The following ADCY5 variants were observed in gnomAD, a reference collection of about 807,000 sequenced individuals.
The protein encoded by ADCY5 is adenylate cyclase type 5.
Under a neutral mutation model 119.7 loss-of-function variants are expected in ADCY5, and 30 were observed. The ratio of observed to expected loss-of-function variants is 0.25; its 90% CI spans 0.19 to 0.34. ADCY5 has a LOEUF of 0.34. ADCY5 is among the 10% of genes least tolerant of loss of function. The probability of loss-of-function intolerance (pLI) is 1.00; values close to 1 mark genes in which losing one functional copy is unlikely to be tolerated. For synonymous variants in ADCY5, 753 were observed against 762.2 expected (o/e 0.99, Z 0.20); for missense variants, 1,324 against 1,775.2 (o/e 0.75, Z 4.57).
At chr3:123,396,775 A>AAGGC (rs1944593892) in intron 1 of ADCY5, among the ~76,000 whole-genome samples, 1 of 70,976 alleles carries the variant, frequency 1.4e-5, no homozygotes, top group African/African-American at 5.4e-5. Flanking sequence ...GGAAGGAAGG[A>AAGGC]AGGAAGGCAG....
At chr3:123,383,772 T>G (rs2107564925) in intron 1 of ADCY5, among the ~76,000 whole-genome samples, 1 of 152,010 alleles carries the variant, frequency 6.6e-6, no homozygotes, top group East Asian at 1.9e-4. Flanking sequence ...CATCCACACA[T>G]GCAGGCAGGC....
At chr3:123,445,568 G>A (rs746533557) in intron 1 of ADCY5, among the ~76,000 whole-genome samples, 4 of 152,190 alleles carry the variant, frequency 2.6e-5, no homozygotes, top group African/African-American at 4.8e-5. Context: ...CTGAAAGCAC[G>A]AGTCCTCGGG....
At chr3:123,408,221 A>G (rs1327495339) in intron 1 of ADCY5, among the ~76,000 whole-genome samples, 1 of 152,144 alleles carries the variant, frequency 6.6e-6, no homozygotes, top group Non-Finnish European at 1.5e-5. Context: ...CCGCATGAAC[A>G]TGGTCGTAAC....
chr3:123,391,311 C>A (rs1401787286), intron 1 of ADCY5, among the ~76,000 whole-genome samples: 1 of 152,212 alleles, frequency 6.6e-6, no homozygotes, highest in Admixed American at 6.5e-5. Context: ...CCAAACCCCC[C>A]CTTTCCAGCC....
At chr3:123,299,991 A>G (rs1939747027) in intron 15 of ADCY5, 129 bp downstream of exon 15, 3 of 1,030,304 alleles carry the variant, frequency 2.9e-6, no homozygotes, top group Non-Finnish European at 4.2e-6. Flanking sequence ...TCCAGATGTC[A>G]GGGCTGGGGA....
chr3:123,369,555 G>A (rs1943562877), intron 1 of ADCY5, among the ~76,000 whole-genome samples: 1 of 152,228 alleles, frequency 6.6e-6, no homozygotes, highest in Non-Finnish European at 1.5e-5. Context: ...CTGGCCTGAA[G>A]TATTGGAGAG....
At chr3:123,367,938 G>A in intron 1 of ADCY5, 4 of 1,535,876 alleles carry the variant, frequency 2.6e-6, no homozygotes, top group Non-Finnish European at 3.5e-6. Context: ...ATGGGGCCAT[G>A]TCTTCCGTGG....
rs1177526688 is a variant in ADCY5 at position 123,303,161 on chromosome 3, G to A, written c.2618C>T (p.Ala873Val). The change falls in exon 14 of 21, where the codon GCG (alanine) becomes GTG (valine). Residue 873 changes from alanine to valine, a missense_variant. Physicochemically the swap from Ala to Val is moderately conservative, Grantham distance 64 (BLOSUM62 0). Transcript: ENST00000462833. ...GCLAQEHNIS[A>V]SQVNACHVAE... ...CACGTGACACGCGTTGACCTGGCTC[G>A]CGCTGATGTTGTGCTCCTGTGCCAA... 1.2e-5 allele frequency: 19 copies of A among 1,613,756 alleles called. No individual in the cohort carries two copies. The highest frequency in any genetic ancestry group is 4.0e-5 in the African/African-American group (3 of 74,924).
chr3:123,389,966 C>T (rs1233475541), intron 1 of ADCY5, among the ~76,000 whole-genome samples: 1 of 152,102 alleles, frequency 6.6e-6, no homozygotes, highest in African/African-American at 2.4e-5. Flanking sequence ...AGGAGAGGTA[C>T]AATGAGGGCA....
In ADCY5 at chr3:123,447,438, C is replaced by T. The variant is rs745702684; in HGVS notation, c.1108G>A (p.Ala370Thr). The T allele has an allele frequency of 6.3e-7, 1 of 1,597,918 alleles. No homozygotes were observed. Among genetic ancestry groups the T allele is most frequent in the Non-Finnish European group, 8.5e-7 (1 of 1,170,720 alleles). The part of the protein sequence containing the change: ...LHLAIALRTN[A>T]QDQFLLKQLV... ...TGCTTCAGCAGGAACTGGTCCTGGG[C>T]GTTGGTGCGCAGGGCGATGGCCAGG... is the stretch of plus-strand genomic sequence containing the variant. The change falls in exon 1 of 21, where the codon GCC becomes ACC. Residue 370 changes from alanine to threonine, a missense_variant. Physicochemically the swap from Ala to Thr is moderately conservative, Grantham distance 58 (BLOSUM62 0). Transcript: ENST00000462833.
At chr3:123,343,242 C>T (rs552641045) in intron 3 of ADCY5, among the ~76,000 whole-genome samples, 1 of 152,274 alleles carries the variant, frequency 6.6e-6, no homozygotes, top group Non-Finnish European at 1.5e-5. Context: ...GTACTTTAAT[C>T]CATGTCACAC....
intron 1 of ADCY5, among the ~76,000 whole-genome samples, chr3:123,393,329 A>T (rs1188992096): frequency 6.7e-6 from 1 of 149,726 alleles, no homozygotes; most frequent in African/African-American, 2.5e-5. Context: ...AAGTGGGAGG[A>T]TTACACAAGG....
chr3:123,432,894 T>TGCCA (rs1945548295), intron 1 of ADCY5, among the ~76,000 whole-genome samples: 1 of 152,060 alleles, frequency 6.6e-6, no homozygotes, highest in African/African-American at 2.4e-5. Flanking sequence ...GTAGAGGAGA[T>TGCCA]GCCAGCCCAG....
chr3:123,409,092 G>T (rs1944981145), intron 1 of ADCY5, among the ~76,000 whole-genome samples: 1 of 152,218 alleles, frequency 6.6e-6, no homozygotes, highest in African/African-American at 2.4e-5. Context: ...TTAAGCTTAT[G>T]AAATATTTTC....
At chr3:123,284,838 CT>C (rs1938625945) in intron 20 of ADCY5, 102 bp from the exon 21 acceptor site, 2 of 1,504,362 alleles carry the variant, frequency 1.3e-6, no homozygotes, top group East Asian at 4.6e-5. Flanking sequence ...GTTGCCGCCC[CT>C]GACACAGAAG....
chr3:123,334,767 A>T (rs920850728), intron 3 of ADCY5, among the ~76,000 whole-genome samples: 1 of 152,212 alleles, frequency 6.6e-6, no homozygotes, highest in African/African-American at 2.4e-5. Context: ...TAAATAAATT[A>T]AATATTGACA....
intron 1 of ADCY5, among the ~76,000 whole-genome samples, chr3:123,396,730 GAA>G (rs1944588124): frequency 0.02 from 166 of 8,112 alleles, 1 homozygote; most frequent in East Asian, 0.15. Context: ...AGGGAGGGAG[GAA>G]GGAAGGAAGG....
chr3:123,379,783 C>T (rs1385025286), intron 1 of ADCY5, among the ~76,000 whole-genome samples: 1 of 152,200 alleles, frequency 6.6e-6, no homozygotes, highest in Non-Finnish European at 1.5e-5. Flanking sequence ...AACTTCTGAT[C>T]AGACCTTCTG....
At chr3:123,405,711 T>G (rs955794510) in intron 1 of ADCY5, among the ~76,000 whole-genome samples, 1 of 152,192 alleles carries the variant, frequency 6.6e-6, no homozygotes, top group Non-Finnish European at 1.5e-5. Context: ...CTTGGCTCAC[T>G]GCAACCTCCA....
Sources: allele counts gnomAD v4.1 joint callset (sites outside exome capture counted in the v4.1 genomes callset), GRCh38; gene constraint gnomAD v4.1.1; transcripts MANE v1.5; gene names NCBI Gene and HGNC (gene_info 2026-07-23, HGNC 2026-07-21).